ASTN2: variants seen among roughly 807,000 people sequenced by gnomAD.
ASTN2 encodes astrotactin-2.
In ASTN2, 54 loss-of-function variants were observed where a neutral mutation model predicts 139.8. The ratio of observed to expected loss-of-function variants is 0.39; its 90% CI spans 0.31 to 0.48. The LOEUF (loss-of-function observed/expected upper bound fraction) is 0.48. ASTN2 is among the 20% of genes least tolerant of loss of function. The pLI is 0.95. For synonymous variants in ASTN2, 756 were observed against 719.5 expected, an observed-to-expected ratio of 1.05 and a Z score of -0.81; for missense variants, 1,565 against 1,725.1, an observed-to-expected ratio of 0.91 and a Z score of 1.64.
intron 10 of ASTN2, among the ~76,000 whole-genome samples, chr9:116,966,846 A>G (rs1440248165): frequency 6.6e-6 from 1 of 152,110 alleles, no homozygotes; most frequent in Non-Finnish European, 1.5e-5. Flanking sequence ...GAACACACAC[A>G]CTTAATAGAC....
rs751612533 is a variant in ASTN2 at position 116,862,807 on chromosome 9, TACAC to T, written c.2040+772_2040+775del. On this transcript the variant is annotated intron_variant, in intron 11 of 22. Transcript: ENST00000313400. Reference sequence around the variant, plus strand: ...TTCAAGATACCCCAACACACACAAATACACACACACACACACACACACACACACA... The same window carrying T: ...TTCAAGATACCCCAACACACACAAATACACACACACACACACACACACACA... Among the ~76,000 whole-genome samples, 35 of 90,918 alleles carry T rather than the reference TACAC, an allele frequency of 3.8e-4. 1 individual carries two copies. Among genetic ancestry groups the T allele is most frequent in the African/African-American group, 1.5e-3 (34 of 23,304 alleles). 59.6% of individuals were successfully genotyped at this position (90,918 alleles called of 152,430 possible). A position where few individuals can be genotyped will look rare whatever the true frequency, so the allele number is the denominator to read the frequency against.
intron 11 of ASTN2, among the ~76,000 whole-genome samples, chr9:116,854,813 T>G (rs1446892206): frequency 3.3e-5 from 5 of 151,906 alleles, no homozygotes; most frequent in Admixed American, 3.3e-4. Flanking sequence ...CACCACGCTC[T>G]GCTAATTTTT....
At chr9:117,378,233 T>C (rs1564174467) in intron 1 of ASTN2, among the ~76,000 whole-genome samples, 2 of 152,172 alleles carry the variant, frequency 1.3e-5, no homozygotes, top group Admixed American at 6.5e-5. Context: ...CTGTCTAACA[T>C]CACAGAGTGG....
intron 2 of ASTN2, among the ~76,000 whole-genome samples, chr9:117,278,468 C>G (rs1007755649): frequency 6.6e-6 from 1 of 152,122 alleles, no homozygotes; most frequent in Non-Finnish European, 1.5e-5. Flanking sequence ...TAAAATTCAG[C>G]ACAAAGGAGG....
intron 2 of ASTN2, among the ~76,000 whole-genome samples, chr9:117,220,046 T>C (rs532644751): frequency 2.0e-5 from 3 of 152,316 alleles, no homozygotes; most frequent in African/African-American, 4.8e-5. Context: ...TAGTTCACAG[T>C]GTGAAGAGTT....
intron 16 of ASTN2, among the ~76,000 whole-genome samples, chr9:116,652,312 C>A (rs959809771): frequency 1.3e-5 from 2 of 151,660 alleles, no homozygotes. Flanking sequence ...GGCAAGAGAG[C>A]GAGATTCCAT....
chr9:117,016,657 ACC>A (rs1564386088), intron 6 of ASTN2, among the ~76,000 whole-genome samples: 7,076 of 23,674 alleles, frequency 0.3, 1,223 homozygotes, highest in Middle Eastern at 0.55. Flanking sequence ...TATATATATA[ACC>A]TATATATATG....
intron 6 of ASTN2, among the ~76,000 whole-genome samples, chr9:117,034,194 AT>A (rs1195169536): frequency 6.6e-6 from 1 of 152,180 alleles, no homozygotes; most frequent in Non-Finnish European, 1.5e-5. Context: ...AGACTCTTCT[AT>A]TGGCTGACCA....
At chr9:116,942,317 A>G (rs1005262174) in intron 10 of ASTN2, among the ~76,000 whole-genome samples, 1 of 151,956 alleles carries the variant, frequency 6.6e-6, no homozygotes, top group Non-Finnish European at 1.5e-5. Context: ...CACCATTCTG[A>G]TCTCCCAGCA....
At chr9:117,207,905 G>A (rs1588081947) in intron 3 of ASTN2, among the ~76,000 whole-genome samples, 1 of 152,312 alleles carries the variant, frequency 6.6e-6, no homozygotes, top group Admixed American at 6.5e-5. Flanking sequence ...ATGTAAAATT[G>A]TAGCCAATTT....
chr9:116,875,290 G>C (rs1833267173), intron 10 of ASTN2, among the ~76,000 whole-genome samples: 1 of 152,208 alleles, frequency 6.6e-6, no homozygotes, highest in South Asian at 2.1e-4. Flanking sequence ...TTCTGTTATG[G>C]AGAATGTTTT....
At chr9:116,975,485 T>G (rs556235912) in intron 9 of ASTN2, 140 bp from the exon 10 acceptor site, 314 of 813,612 alleles carry the variant, frequency 3.9e-4, no homozygotes, top group Admixed American at 7.9e-4. Flanking sequence ...GGAACAATGT[T>G]GGCCAACTTT....
intron 19 of ASTN2, among the ~76,000 whole-genome samples, chr9:116,555,762 C>T (rs1852584783): frequency 6.6e-6 from 1 of 152,174 alleles, no homozygotes; most frequent in East Asian, 1.9e-4. Context: ...CACACACACA[C>T]ACAACCCTGC....
chr9:116,780,600 T>C (rs1830192387), intron 13 of ASTN2, among the ~76,000 whole-genome samples: 1 of 152,140 alleles, frequency 6.6e-6, no homozygotes, highest in Non-Finnish European at 1.5e-5. Flanking sequence ...AGGCTGTAAC[T>C]GAAGGGGGCT....
At chr9:116,838,401 G>A (rs1170916252) in intron 11 of ASTN2, among the ~76,000 whole-genome samples, 4 of 150,774 alleles carry the variant, frequency 2.7e-5, no homozygotes, top group Admixed American at 6.6e-5. Flanking sequence ...GTGAGGCACC[G>A]CACCCAGCCA....
chr9:116,692,342 C>T (rs1427738290), intron 16 of ASTN2, among the ~76,000 whole-genome samples: 1 of 152,064 alleles, frequency 6.6e-6, no homozygotes, highest in African/African-American at 2.4e-5. Context: ...CTGAAAAGTG[C>T]CTATTCATTT....
intron 1 of ASTN2, among the ~76,000 whole-genome samples, chr9:117,380,597 C>CAAAA (rs1199618121): frequency 1.1e-5 from 1 of 92,636 alleles, no homozygotes; most frequent in Non-Finnish European, 2.2e-5. Flanking sequence ...GAGCAAGACT[C>CAAAA]AAAAAAAAAA....
intron 3 of ASTN2, among the ~76,000 whole-genome samples, chr9:117,153,024 A>C (rs1289703648): frequency 6.6e-6 from 1 of 152,056 alleles, no homozygotes; most frequent in African/African-American, 2.4e-5. Flanking sequence ...TTTCAAATCC[A>C]CATTGTTGCT....
chr9:116,750,993 A>C (rs1829383608), intron 13 of ASTN2, among the ~76,000 whole-genome samples: 1 of 152,232 alleles, frequency 6.6e-6, no homozygotes, highest in Non-Finnish European at 1.5e-5. Context: ...CCACCTTCTT[A>C]GATACTGGTT....
Sources: allele counts gnomAD v4.1 joint callset (sites outside exome capture counted in the v4.1 genomes callset), GRCh38; gene constraint gnomAD v4.1.1; transcripts MANE v1.5; gene names NCBI Gene and HGNC (gene_info 2026-07-23, HGNC 2026-07-21).